Variants in SLC6A3 observed in about 807,000 individuals in gnomAD.
SLC6A3 encodes the protein sodium-dependent dopamine transporter.
Under a neutral mutation model 70.4 loss-of-function variants are expected in SLC6A3, and 19 were observed. The ratio of observed to expected loss-of-function variants is 0.27; its 90% confidence interval spans 0.19 to 0.40. The LOEUF (loss-of-function observed/expected upper bound fraction) is 0.40. Ranked by LOEUF, SLC6A3 falls within the 10% of genes least tolerant of loss-of-function variation. The pLI, the probability that SLC6A3 is intolerant of heterozygous loss-of-function variation, is 1.00. For missense variants in SLC6A3, 613 were observed against 838.5 expected, an observed-to-expected ratio of 0.73 and a Z score of 3.32; for synonymous variants, 368 against 356.6, an observed-to-expected ratio of 1.03 and a Z score of -0.36.
intron 9 of SLC6A3, 143 bp from the exon 10 acceptor site, chr5:1,409,992 GC>G: frequency 9.6e-7 from 1 of 1,039,868 alleles, no homozygotes; most frequent in Non-Finnish European, 1.4e-6. Flanking sequence ...GGTGCAGGAT[GC>G]CTGGTAGTGA....
chr5:1,405,408 C>A lies in SLC6A3; in HGVS notation c.1599+780G>T, dbSNP rs1447890652. Among the ~76,000 whole-genome samples, 1 of 152,222 alleles carries A rather than the reference C, an allele frequency of 6.6e-6. No individual in the cohort carries two copies. The highest frequency in any genetic ancestry group is 1.5e-5 in the Non-Finnish European group (1 of 68,048). Reference sequence around the variant, plus strand: ...GCCCTTGGTCCATGAGAGGGTGCGGCCTGAGTCCCCTGCCCTGTTCCAGTC... The same window carrying A: ...GCCCTTGGTCCATGAGAGGGTGCGGACTGAGTCCCCTGCCCTGTTCCAGTC... On this transcript the variant is annotated intron_variant, in intron 12 of 14. Coordinates refer to ENST00000270349, the MANE Select transcript of SLC6A3 (RefSeq NM_001044.5). The surrounding 1 kb of genome is among the most constrained non-coding windows in gnomAD (Gnocchi z 5.3).
chr5:1,433,494 T>A (rs1398047891), intron 3 of SLC6A3, among the ~76,000 whole-genome samples: 1 of 151,598 alleles, frequency 6.6e-6, no homozygotes, highest in Non-Finnish European at 1.5e-5. Flanking sequence ...TCCACAGCCA[T>A]CTCCATTCAT....
intron 12 of SLC6A3, 143 bp from the exon 13 acceptor site, chr5:1,403,232 T>C (rs992654479): frequency 6.4e-6 from 6 of 932,222 alleles, no homozygotes; most frequent in Non-Finnish European, 9.9e-6. Flanking sequence ...CCTGCAGACA[T>C]GGCAGCTGGG....
At chr5:1,416,783 G>C (rs28382251) in intron 6 of SLC6A3, among the ~76,000 whole-genome samples, 4,613 of 51,354 alleles carry the variant, frequency 0.09, no homozygotes, top group Middle Eastern at 0.17. Context: ...GCCCTCAGAA[G>C]AGCACGGACT....
intron 10 of SLC6A3, 60 bp downstream of exon 10, chr5:1,409,661 C>G: frequency 6.2e-7 from 1 of 1,605,930 alleles, no homozygotes; most frequent in Non-Finnish European, 8.5e-7. Context: ...GCCAGGGCGC[C>G]CCGTGCCACG....
intron 7 of SLC6A3, among the ~76,000 whole-genome samples, chr5:1,415,827 C>T (rs1344992411): frequency 6.6e-6 from 1 of 152,158 alleles, no homozygotes; most frequent in African/African-American, 2.4e-5. Flanking sequence ...ACTTGGGGCC[C>T]TCAGTGGGGA....
chr5:1,435,286 G>A (rs1429309154), intron 3 of SLC6A3, among the ~76,000 whole-genome samples: 2 of 152,226 alleles, frequency 1.3e-5, no homozygotes, highest in Admixed American at 1.3e-4. Context: ...TGTTTCCAGA[G>A]AGCACTGTGG....
Position 1,443,040 on chromosome 5 carries a change from C to T in SLC6A3, c.158G>A (p.Ser53Asn), listed in dbSNP as rs540502065. Residue 53 changes from serine (S) to asparagine (N), a missense_variant, in exon 2 of 15, where the codon AGC becomes AAC. Physicochemically the swap from Ser to Asn is conservative, Grantham distance 46 (BLOSUM62 1). Transcript: ENST00000270349. ...TSSTLTNPRQ[S>N]PVEAQDRETW... is the part of the protein sequence containing the mutation. ...CTCCCGATCCTGGGCCTCCACGGGG[C>T]TCTGCCGCGGGTTGGTGAGGGTGGA... 1 of 1,614,246 alleles carries T rather than the reference C, an allele frequency of 6.2e-7. No homozygotes were observed. The highest frequency in any genetic ancestry group is 8.5e-7 in the Non-Finnish European group (1 of 1,180,054).
chr5:1,417,097 C>T (rs13161905), intron 6 of SLC6A3, among the ~76,000 whole-genome samples: 40,861 of 151,762 alleles, frequency 0.27, 7,203 homozygotes, highest in Non-Finnish European at 0.4. Context: ...GTGTGTCCCC[C>T]CATCCCATGT....
chr5:1,444,766 GT>G (rs1733758764), intron 1 of SLC6A3, among the ~76,000 whole-genome samples: 1 of 152,204 alleles, frequency 6.6e-6, no homozygotes, highest in Non-Finnish European at 1.5e-5. Flanking sequence ...TCAGAGGCGA[GT>G]TTTGGGTCTA....
intron 10 of SLC6A3, among the ~76,000 whole-genome samples, chr5:1,409,467 A>G (rs901733246): frequency 6.6e-6 from 1 of 152,054 alleles, no homozygotes; most frequent in African/African-American, 2.4e-5. Context: ...CCAGTCCCCA[A>G]ACCCTAGAAG....
chr5:1,406,097 A>G lies in SLC6A3; in HGVS notation c.1599+91T>C. On this transcript the variant is annotated intron_variant, in intron 12 of 14. Coordinates refer to ENST00000270349, the MANE Select transcript of SLC6A3 (RefSeq NM_001044.5). This position sits in a 1 kb window ranked among gnomAD's most constrained non-coding sequence, Gnocchi z 8.8. ...GGCCCCTGACTCCAGCCACAGTGAC[A>G]ACCCACATGCGGGCGCTGGACCTCG... 1.1e-6 allele frequency: 1 copy of G among 905,466 alleles called. No individual in the cohort carries two copies. Among genetic ancestry groups the G allele is most frequent in the Admixed American group, 1.7e-5 (1 of 57,512 alleles). The allele number at this position is 905,466 out of a possible 1,614,324, so 56.1% of individuals were successfully genotyped here.
intron 3 of SLC6A3, among the ~76,000 whole-genome samples, chr5:1,435,547 C>T (rs1452364349): frequency 1.3e-5 from 2 of 152,250 alleles, no homozygotes; most frequent in Non-Finnish European, 2.9e-5. Context: ...ATCACCATGG[C>T]CACTGTGCAT....
intron 6 of SLC6A3, among the ~76,000 whole-genome samples, chr5:1,419,916 C>T (rs951068727): frequency 5.9e-5 from 9 of 152,132 alleles, no homozygotes; most frequent in African/African-American, 1.9e-4. Context: ...CCGCCCATCC[C>T]TTCTCCCCTT....
rs73028269 is a variant in SLC6A3 at position 1,406,383 on chromosome 5, C to T, written c.1499-95G>A. The T allele has an allele frequency of 5.1e-3, 5,455 of 1,068,544 alleles. 176 individuals are homozygous for T. The African/African-American group carries it at 0.072, about 14-fold the overall frequency. The allele number at this position is 1,068,544 out of a possible 1,614,324, so 66.2% of individuals were successfully genotyped here. On this transcript the variant is annotated intron_variant, in intron 11 of 14. Transcript: ENST00000270349. This position sits in a 1 kb window ranked among gnomAD's most constrained non-coding sequence, Gnocchi z 8.8. ...GGTCCTCGCTGACTCCCAAGGGCCC[C>T]ACCTACCGGCCCCAGGCTTCGGCTG...
intron 6 of SLC6A3, 26 bp from the exon 7 acceptor site, chr5:1,416,227 G>C (rs762063365): frequency 1.7e-5 from 27 of 1,575,504 alleles, no homozygotes; most frequent in Non-Finnish European, 2.4e-5. Flanking sequence ...GCGGTGAGAG[G>C]CTGTCCCAGG....
At chr5:1,409,873 G>T (rs1756073213) in intron 9 of SLC6A3, 24 bp from the exon 10 acceptor site, 8 of 1,612,472 alleles carry the variant, frequency 5.0e-6, no homozygotes, top group Non-Finnish European at 6.8e-6. Flanking sequence ...ACAGGGTCGG[G>T]CTGCAGGCTG....
rs1162989705 is a variant in SLC6A3, at chr5:1,401,491, C to G, written c.1768-505G>C. Among the ~76,000 whole-genome samples, 1 of 152,220 alleles carries G rather than the reference C, an allele frequency of 6.6e-6. No homozygotes were observed. Among genetic ancestry groups the G allele is most frequent in the East Asian group, 1.9e-4 (1 of 5,188 alleles). The stretch of plus-strand genomic sequence containing the variant: ...GCTGCGGCAGCTCCTGGGGCCTGGA[C>G]AGCACCAAGTCCTCCCAGAGCAGGC... On this transcript the variant is annotated intron_variant, in intron 13 of 14. Transcript: ENST00000270349. The surrounding 1 kb of genome is among the most constrained non-coding windows in gnomAD (Gnocchi z 6.1).
Position 1,394,524 on chromosome 5 carries a change from T to C in SLC6A3, c.*211A>G, listed in dbSNP as rs1755664840. The C allele has an allele frequency of 1.5e-6, 1 of 667,780 alleles. No homozygotes were observed. The highest frequency in any genetic ancestry group is 2.7e-6 in the Non-Finnish European group (1 of 367,022). 41.4% of individuals were successfully genotyped at this position (667,780 alleles called of 1,614,324 possible). A position where few individuals can be genotyped will look rare whatever the true frequency, so the allele number is the denominator to read the frequency against. On this transcript the variant is annotated 3_prime_UTR_variant, in exon 15 of 15. Transcript: ENST00000270349. This position sits in a 1 kb window ranked among gnomAD's most constrained non-coding sequence, Gnocchi z 4.7. ...TCGCTGCACAGATCTACGTCGTTAT[T>C]ACAGCAACACAAGACACGGCGAGGT...
Sources: allele counts gnomAD v4.1 joint callset (sites outside exome capture counted in the v4.1 genomes callset), GRCh38; gene constraint gnomAD v4.1.1; non-coding constraint Gnocchi (gnomAD v3.1); transcripts MANE v1.5; gene names NCBI Gene and HGNC (gene_info 2026-07-23, HGNC 2026-07-21).